The following NTSR1 variants were observed in gnomAD, a reference collection of about 807,000 sequenced individuals.
The protein encoded by NTSR1 is neurotensin receptor type 1.
NTSR1 carries 29 observed loss-of-function variants against 31.2 expected under a neutral mutation model. The observed-to-expected ratio is 0.93, with a 90% CI of 0.69 to 1.27. NTSR1 has a LOEUF of 1.27. NTSR1 is among the 50% of genes most tolerant of loss of function. The pLI is 0.00. For missense variants in NTSR1, 697 were observed against 595.4 expected (o/e 1.17, Z -1.78); for synonymous variants, 282 against 269.9 (o/e 1.04, Z -0.44).
rs1029466823 is a variant in NTSR1 at position 62,715,105 on chromosome 20, G to T, written c.714+5184G>T. Among the ~76,000 whole-genome samples the T allele has an allele frequency of 1.3e-5, 2 of 152,186 alleles. No individual in the cohort carries two copies. Among genetic ancestry groups the T allele is most frequent in the African/African-American group, 4.8e-5 (2 of 41,448 alleles). The stretch of plus-strand genomic sequence containing the variant: ...TGAGTGTTGATGACATTTTTGGCAT[G>T]TTTGAAAAATTTAGTAATTAAAAGT... On this transcript the variant is annotated intron_variant, in intron 1 of 3. Transcript: ENST00000370501. This position sits in a 1 kb window ranked among gnomAD's most constrained non-coding sequence, Gnocchi z 4.7.
chr20:62,756,919 C>A (rs1184946755), intron 2 of NTSR1, among the ~76,000 whole-genome samples: 1 of 152,208 alleles, frequency 6.6e-6, no homozygotes, highest in African/African-American at 2.4e-5. Flanking sequence ...GAGTCCTTTG[C>A]CCATTTGTGA....
At chr20:62,730,918 C>A (rs945738730) in intron 1 of NTSR1, among the ~76,000 whole-genome samples, 1 of 152,078 alleles carries the variant, frequency 6.6e-6, no homozygotes, top group African/African-American at 2.4e-5. Context: ...TTGCCCATTT[C>A]TTCATGTTTG....
chr20:62,738,790 GA>G (rs1406458924), intron 1 of NTSR1, among the ~76,000 whole-genome samples: 1 of 152,246 alleles, frequency 6.6e-6, no homozygotes. Flanking sequence ...TGGCAGCAGA[GA>G]TGGCGGAGGG....
chr20:62,710,019 A>G, intron 1 of NTSR1, 98 bp downstream of exon 1: 1 of 1,046,744 alleles, frequency 9.6e-7, no homozygotes, highest in Non-Finnish European at 1.4e-6. Context: ...GAGATGTCAC[A>G]GAGACAGTCT....
intron 1 of NTSR1, chr20:62,735,334 C>T (rs1367993623): frequency 6.0e-5 from 9 of 151,182 alleles, no homozygotes; most frequent in African/African-American, 1.5e-4. Flanking sequence ...CCAGGTAGCC[C>T]CATTCATAGT....
intron 1 of NTSR1, among the ~76,000 whole-genome samples, chr20:62,736,021 G>A (rs565126747): frequency 2.0e-5 from 3 of 152,328 alleles, no homozygotes; most frequent in East Asian, 3.9e-4. Flanking sequence ...AGTAATTCCC[G>A]TTTAAATTTG....
Position 62,709,807 on chromosome 20 carries a change from G to A in NTSR1, c.600G>A (p.Ala200=), listed in dbSNP as rs776251796. Residue 200 remains alanine, a synonymous_variant, in exon 1 of 4, where the codon GCG becomes GCA. Transcript: ENST00000370501. ...TCTGGCTCGCCTCGGCCCTGCTGGCGGTGCCTATGCTGTTCACCATGGGCG... is the reference window on the plus strand; with the variant it reads ...TCTGGCTCGCCTCGGCCCTGCTGGCAGTGCCTATGCTGTTCACCATGGGCG... The part of the protein sequence containing the change: ...SAIWLASALL[A]VPMLFTMGEQ... 1.6e-5 allele frequency: 25 copies of A among 1,612,790 alleles called. No individual in the cohort carries two copies. The highest frequency in any genetic ancestry group is 2.1e-5 in the Non-Finnish European group (25 of 1,179,922).
At chr20:62,746,972 C>G (rs1989311143) in intron 1 of NTSR1, among the ~76,000 whole-genome samples, 1 of 152,154 alleles carries the variant, frequency 6.6e-6, no homozygotes, top group Admixed American at 6.5e-5. Flanking sequence ...GAGAAAAGAA[C>G]CAAGAGGCAA....
chr20:62,746,540 C>G (rs1234144801), intron 1 of NTSR1, among the ~76,000 whole-genome samples: 1 of 151,508 alleles, frequency 6.6e-6, no homozygotes, highest in African/African-American at 2.4e-5. Flanking sequence ...CTAGACTAAC[C>G]AAGAAAAAAG....
Position 62,709,863 on chromosome 20 carries a change from C to A in NTSR1, c.656C>A (p.Ala219Asp), listed in dbSNP as rs746708468. 4 of 1,607,528 alleles carry A rather than the reference C, an allele frequency of 2.5e-6. No homozygotes were observed. Among genetic ancestry groups the A allele is most frequent in the Non-Finnish European group, 3.4e-6 (4 of 1,176,068 alleles). Residue 219 changes from alanine to aspartate, a missense_variant, in exon 1 of 4, where the codon GCC (alanine) becomes GAC (aspartate). Physicochemically the swap from Ala to Asp is moderately radical, Grantham distance 126. Coordinates refer to ENST00000370501, the MANE Select transcript of NTSR1 (RefSeq NM_002531.3). ...AACCGCAGCGCCGACGGCCAGCACG[C>A]CGGCGGCCTGGTGTGCACCCCCACC... ...EQNRSADGQH[A>D]GGLVCTPTIH...
At chr20:62,747,177 G>GAT (rs1475874985) in intron 1 of NTSR1, among the ~76,000 whole-genome samples, 9 of 152,220 alleles carry the variant, frequency 5.9e-5, no homozygotes, top group Non-Finnish European at 1.3e-4. Flanking sequence ...AAAAGCATTT[G>GAT]ACAAAACTCA....
chr20:62,749,368 G>T (rs1378688746), intron 1 of NTSR1, among the ~76,000 whole-genome samples: 1 of 150,782 alleles, frequency 6.6e-6, no homozygotes, highest in African/African-American at 2.5e-5. Context: ...CTCACACCAT[G>T]CAAAAAAAAA....
chr20:62,757,494 T>C (rs999259419), intron 2 of NTSR1, among the ~76,000 whole-genome samples: 4 of 152,238 alleles, frequency 2.6e-5, no homozygotes, highest in Admixed American at 6.5e-5. Context: ...ACCTCCAACT[T>C]TATTTTCTTA....
Position 62,745,153 on chromosome 20 carries a change from G to A in NTSR1, c.715-9532G>A, listed in dbSNP as rs1989276694. 6.6e-6 allele frequency among the ~76,000 whole-genome samples: 1 copy of A among 152,188 alleles called. No individual in the cohort carries two copies. The highest frequency in any genetic ancestry group is 2.1e-4 in the South Asian group (1 of 4,832). On this transcript the variant is annotated intron_variant, in intron 1 of 3. Coordinates refer to ENST00000370501, the MANE Select transcript of NTSR1 (RefSeq NM_002531.3). This position sits in a 1 kb window ranked among gnomAD's most constrained non-coding sequence, Gnocchi z 4.1. ...AGGGAGGGTGGCCCAGCCAGTTCCTGCCACCTGAGGATGTTGGTACACACA... is the reference window on the plus strand; with the variant it reads ...AGGGAGGGTGGCCCAGCCAGTTCCTACCACCTGAGGATGTTGGTACACACA...
In NTSR1 at chr20:62,742,101, G is replaced by C. The variant is rs1342256806; in HGVS notation, c.715-12584G>C. On this transcript the variant is annotated intron_variant, in intron 1 of 3. Coordinates refer to ENST00000370501, the MANE Select transcript of NTSR1 (RefSeq NM_002531.3). This position sits in a 1 kb window ranked among gnomAD's most constrained non-coding sequence, Gnocchi z 7.1. The stretch of plus-strand genomic sequence containing the variant: ...ATACTGAGCCAAAACCTGCACATCA[G>C]AGCTCTCTGATGGAGGCGTGGACGG... Among the ~76,000 whole-genome samples the C allele has an allele frequency of 1.3e-5, 2 of 149,604 alleles. No homozygotes were observed. Among genetic ancestry groups the C allele is most frequent in the Non-Finnish European group, 2.9e-5 (2 of 68,016 alleles).
chr20:62,718,619 T>G (rs1032077012), intron 1 of NTSR1, among the ~76,000 whole-genome samples: 1 of 137,450 alleles, frequency 7.3e-6, no homozygotes, highest in Non-Finnish European at 1.5e-5. Context: ...GTCGAGTGAA[T>G]GGAGCCAGCT....
In NTSR1 at chr20:62,709,359, G is replaced by A; in HGVS notation, c.152G>A (p.Ser51Asn). Reference protein sequence around the residue: ...NASERVLAAPSSELDVNTDIY... With the variant: ...NASERVLAAPNSELDVNTDIY... ...TCGGAGCGCGTCCTGGCGGCACCCAGCAGCGAGCTGGACGTGAACACCGAC... is the reference window on the plus strand; with the variant it reads ...TCGGAGCGCGTCCTGGCGGCACCCAACAGCGAGCTGGACGTGAACACCGAC... The change falls in exon 1 of 4, where the codon AGC becomes AAC. Residue 51 changes from serine to asparagine, a missense_variant. Physicochemically the swap from Ser to Asn is conservative, Grantham distance 46. Coordinates refer to ENST00000370501, the MANE Select transcript of NTSR1 (RefSeq NM_002531.3). 6.2e-7 allele frequency: 1 copy of A among 1,609,884 alleles called. No individual in the cohort carries two copies. Among genetic ancestry groups the A allele is most frequent in the Non-Finnish European group, 8.5e-7 (1 of 1,178,286 alleles).
At chr20:62,756,664 G>C (rs1600738316) in intron 2 of NTSR1, 1 of 152,382 alleles carries the variant, frequency 6.6e-6, no homozygotes, top group East Asian at 1.9e-4. Flanking sequence ...GCCCACAGCA[G>C]GGCAACGCCC....
At chr20:62,731,203 G>A (rs1183137028) in intron 1 of NTSR1, among the ~76,000 whole-genome samples, 1 of 152,106 alleles carries the variant, frequency 6.6e-6, no homozygotes, top group Non-Finnish European at 1.5e-5. Flanking sequence ...TCCTGCCTCA[G>A]CCTCCCGAGT....
Sources: gnomAD v4.1 joint callset for allele counts (sites outside exome capture counted in the v4.1 genomes callset) on GRCh38, gnomAD v4.1.1 for gene constraint, Gnocchi (gnomAD v3.1) non-coding constraint, MANE v1.5 for transcripts, NCBI Gene and HGNC (gene_info 2026-07-23, HGNC 2026-07-21) for gene names.